Variants in F8 observed in about 807,000 individuals in gnomAD.
The protein encoded by F8 is coagulation factor VIII, also known as antihemophilic factor.
In F8, 12 loss-of-function variants were observed where a neutral mutation model predicts 140.6. The observed-to-expected ratio is 0.09, with a 90% CI of 0.05 to 0.14. The LOEUF is 0.14. F8 is among the 10% of genes least tolerant of loss of function. The pLI is 1.00. For synonymous variants in F8, 585 were observed against 614.6 expected (o/e 0.95, Z 0.71); for missense variants, 1,354 against 1,720.7 (o/e 0.79, Z 3.77).
At chrX:154,943,330 CA>C (rs1451530983) in intron 13 of F8, among the ~76,000 whole-genome samples, 1 of 112,035 alleles carries the variant, frequency 8.9e-6, no homozygotes, top group Non-Finnish European at 1.9e-5. Context: ...CCTCAGGATA[CA>C]AAATCAATGT....
At chrX:154,879,565 C>T (rs965172670) in intron 22 of F8, among the ~76,000 whole-genome samples, 3 of 112,098 alleles carry the variant, frequency 2.7e-5, no homozygotes, top group African/African-American at 6.5e-5. Context: ...TTTGGCTTTA[C>T]GTTATATGAT....
At chrX:154,981,652 C>G (rs1603435913) in intron 6 of F8, among the ~76,000 whole-genome samples, 1 of 111,257 alleles carries the variant, frequency 9.0e-6, no homozygotes, top group African/African-American at 3.3e-5. Flanking sequence ...ATATTTATCT[C>G]TTTTAATTCT....
At chrX:154,862,560 C>T (rs372973962) in intron 23 of F8, among the ~76,000 whole-genome samples, 6 of 110,736 alleles carry the variant, frequency 5.4e-5, no homozygotes, top group African/African-American at 2.0e-4. Context: ...CCCCTCCCAA[C>T]CTCTCCCCTC....
At chrX:154,867,708 A>AAAAG (rs1569559348) in intron 22 of F8, among the ~76,000 whole-genome samples, 5 of 104,019 alleles carry the variant, frequency 4.8e-5, no homozygotes, top group African/African-American at 7.1e-5. Flanking sequence ...AAAAAAAAAA[A>AAAAG]AAAGAAAGAA....
chrX:154,861,930 G>A, intron 23 of F8, 64 bp from the exon 24 acceptor site: 1 of 1,088,133 alleles, frequency 9.2e-7, no homozygotes. Context: ...ATACTGAGCA[G>A]CTTCCACTGA....
intron 22 of F8, among the ~76,000 whole-genome samples, chrX:154,879,970 G>A (rs2072847730): frequency 8.9e-6 from 1 of 112,013 alleles, no homozygotes; most frequent in African/African-American, 3.3e-5. Flanking sequence ...AGAACTGTGA[G>A]TCCATTAAAC....
At chrX:154,921,885 G>T (rs1432439395) in intron 14 of F8, among the ~76,000 whole-genome samples, 13 of 109,669 alleles carry the variant, frequency 1.2e-4, no homozygotes, top group Admixed American at 3.9e-4. Flanking sequence ...GTTGGGGGGT[G>T]GGGGGAAGAG....
chrX:155,019,829 C>T (rs1557287340), intron 1 of F8, among the ~76,000 whole-genome samples: 1 of 110,928 alleles, frequency 9.0e-6, no homozygotes. Flanking sequence ...AAACCAATAG[C>T]TTATCTCTAT....
intron 13 of F8, among the ~76,000 whole-genome samples, chrX:154,945,287 G>GAC (rs2073297106): frequency 1.8e-5 from 2 of 111,015 alleles, no homozygotes; most frequent in African/African-American, 6.5e-5. Context: ...ACCAGACAAA[G>GAC]ACACACACAT....
chrX:154,931,221 T>C lies in F8; in HGVS notation c.2569A>G (p.Arg857Gly), dbSNP rs1557278810. 1 of 1,210,630 alleles carries C rather than the reference T, an allele frequency of 8.3e-7. No homozygotes were observed. The highest frequency in any genetic ancestry group is 2.2e-5 in the Admixed American group (1 of 45,991). ...TCCCCACTGTGATGGAGCTGTGGCCTGAAGTGTGTCATTTCAGACAGGCTG... is the reference window on the plus strand; with the variant it reads ...TCCCCACTGTGATGGAGCTGTGGCCCGAAGTGTGTCATTTCAGACAGGCTG... ...NNSLSEMTHFRPQLHHSGDMV... is the reference protein window; with the variant it reads ...NNSLSEMTHFGPQLHHSGDMV... The change falls in exon 14 of 26, where the codon AGG (arginine) becomes GGG (glycine). Residue 857 changes from arginine (R) to glycine (G), a missense_variant. Arg to Gly is a moderately radical substitution (Grantham distance 125). Transcript: ENST00000360256.
intron 6 of F8, among the ~76,000 whole-genome samples, chrX:154,972,164 T>A (rs781869521): frequency 1.5e-3 from 167 of 112,453 alleles, no homozygotes; most frequent in African/African-American, 5.2e-3. Flanking sequence ...GGTTTCTTTG[T>A]CTCCACATCC....
chrX:154,919,530 T>G (rs965730105), intron 14 of F8: 6 of 607,199 alleles, frequency 9.9e-6, no homozygotes, highest in Non-Finnish European at 1.4e-5. Flanking sequence ...AGGAGGAAAC[T>G]TGGGCAGCAG....
intron 1 of F8, among the ~76,000 whole-genome samples, chrX:155,007,184 C>T (rs2073680843): frequency 8.9e-6 from 1 of 112,482 alleles, no homozygotes; most frequent in Non-Finnish European, 1.9e-5. Context: ...TGGACACAAA[C>T]TAGAAAAATC....
chrX:154,999,148 T>A (rs782422733), intron 2 of F8, among the ~76,000 whole-genome samples: 20 of 110,959 alleles, frequency 1.8e-4, no homozygotes, highest in Non-Finnish European at 3.0e-4. Flanking sequence ...TCTAAATCGA[T>A]AGGCTGATAT....
chrX:154,994,788 G>GA (rs1275693892), intron 3 of F8, among the ~76,000 whole-genome samples: 2 of 111,087 alleles, frequency 1.8e-5, no homozygotes, highest in Admixed American at 1.9e-4. Context: ...CTTACAATCA[G>GA]AAAAAAATCA....
chrX:155,008,843 G>A (rs1482365011), intron 1 of F8, among the ~76,000 whole-genome samples: 1 of 108,908 alleles, frequency 9.2e-6, no homozygotes, highest in Non-Finnish European at 1.9e-5. Flanking sequence ...CTTCATGAGT[G>A]CTCAGTGCAG....
intron 23 of F8, among the ~76,000 whole-genome samples, chrX:154,862,643 T>C (rs1358153226): frequency 2.7e-5 from 3 of 111,786 alleles, no homozygotes; most frequent in Non-Finnish European, 5.6e-5. Context: ...GATATTTGGT[T>C]TTCTGTTCCT....
intron 4 of F8, 96 bp downstream of exon 4, chrX:154,992,840 A>C: frequency 1.2e-6 from 1 of 842,810 alleles, no homozygotes; most frequent in Non-Finnish European, 1.8e-6. Flanking sequence ...AGCCTCTTTC[A>C]GGTGAAGGAA....
chrX:154,981,687 T>C (rs1014875879), intron 6 of F8, among the ~76,000 whole-genome samples: 2 of 111,351 alleles, frequency 1.8e-5, no homozygotes, highest in African/African-American at 3.3e-5. Flanking sequence ...CATTTCTTGA[T>C]GTTAAAATCT....
Sources: allele counts gnomAD v4.1 joint callset (sites outside exome capture counted in the v4.1 genomes callset), GRCh38; gene constraint gnomAD v4.1.1; transcripts MANE v1.5; gene names NCBI Gene and HGNC (gene_info 2026-07-23, HGNC 2026-07-21).